The following SV2B variants were observed in gnomAD, a reference collection of about 807,000 sequenced individuals.
The protein encoded by SV2B is solute carrier family 22 member B2.
SV2B carries 41 observed loss-of-function variants against 73.9 expected under a neutral mutation model. That is an observed-to-expected ratio of 0.56 (90% CI 0.43 to 0.72). SV2B has a LOEUF of 0.72. Among genes scored for constraint, SV2B ranks in the 30% least tolerant of loss-of-function variants. SV2B has a pLI of 0.00. For missense variants in SV2B, 764 were observed against 857.8 expected (o/e 0.89, Z 1.37); for synonymous variants, 314 against 314.2 (o/e 1.00, Z 0.01).
At position 91,100,901 on chromosome 15, in the gene SV2B, C is replaced by T. The variant is rs945556080; in HGVS notation, c.-392+538C>T. Among the ~76,000 whole-genome samples the T allele has an allele frequency of 1.3e-5, 2 of 152,138 alleles. No individual in the cohort carries two copies. The highest frequency in any genetic ancestry group is 2.4e-5 in the African/African-American group (1 of 41,426). On this transcript the variant is annotated intron_variant, in intron 1 of 12. Coordinates refer to ENST00000394232, the MANE Select transcript of SV2B (RefSeq NM_001323032.3). This position sits in a 1 kb window ranked among gnomAD's most constrained non-coding sequence, Gnocchi z 6.4. Reference sequence around the variant, plus strand: ...GGACACAGAAGGATTTGTTTATGGACGGGTTTTAGCGCAAGGGAAAGAAAA... The same window carrying T: ...GGACACAGAAGGATTTGTTTATGGATGGGTTTTAGCGCAAGGGAAAGAAAA...
chr15:91,279,437 G>A (rs1327294307), intron 9 of SV2B, among the ~76,000 whole-genome samples: 2 of 152,226 alleles, frequency 1.3e-5, no homozygotes, highest in East Asian at 1.9e-4. Flanking sequence ...AGCTTACAAA[G>A]TACTGTTGCT....
intron 2 of SV2B, among the ~76,000 whole-genome samples, chr15:91,250,113 C>G (rs112186224): frequency 0.014 from 2,119 of 152,280 alleles, 44 homozygotes; most frequent in African/African-American, 0.046. Context: ...CAATAATCTT[C>G]TACAAAATAC....
At chr15:91,173,602 A>G (rs1364288485) in intron 1 of SV2B, among the ~76,000 whole-genome samples, 3 of 152,114 alleles carry the variant, frequency 2.0e-5, no homozygotes, top group Non-Finnish European at 2.9e-5. Flanking sequence ...CCTTCAACCC[A>G]TGCAAACTTA....
chr15:91,281,911 GT>G lies in SV2B; in HGVS notation c.1507+51del, dbSNP rs765486585. 3.2e-6 allele frequency: 5 copies of G among 1,547,042 alleles called. No homozygotes were observed. Among genetic ancestry groups the G allele is most frequent in the Non-Finnish European group, 4.4e-6 (5 of 1,139,186 alleles). On this transcript the variant is annotated intron_variant, in intron 10 of 12. Transcript: ENST00000394232. The surrounding 1 kb of genome is among the most constrained non-coding windows in gnomAD (Gnocchi z 4.7). ...AATAGAAAGTAACAGGAGACAACTTGTGTTGTCCAAGAATCAAAATGGTCAG... is the reference window on the plus strand; with the variant it reads ...AATAGAAAGTAACAGGAGACAACTTGGTTGTCCAAGAATCAAAATGGTCAG...
Position 91,172,888 on chromosome 15 carries a change from G to A in SV2B, c.-391-52985G>A, listed in dbSNP as rs144937057. On this transcript the variant is annotated intron_variant, in intron 1 of 12. Coordinates refer to ENST00000394232, the MANE Select transcript of SV2B (RefSeq NM_001323032.3). The stretch of plus-strand genomic sequence containing the variant: ...AATATTGCTATTATTGTTCTTGCCC[G>A]CCAAGTACACCGAGATGAGTAAGAG... Among the ~76,000 whole-genome samples, 186 of 151,910 alleles carry A rather than the reference G, an allele frequency of 1.2e-3. 1 individual carries two copies. The highest frequency in any genetic ancestry group is 2.3e-3 in the Admixed American group (35 of 15,264).
intron 4 of SV2B, among the ~76,000 whole-genome samples, chr15:91,256,851 T>A (rs11858887): frequency 0.026 from 3,996 of 152,264 alleles, 111 homozygotes; most frequent in East Asian, 0.096. Flanking sequence ...AGATAATTGG[T>A]TAGGAGTCTG....
chr15:91,208,176 G>A (rs1049263652), intron 1 of SV2B, among the ~76,000 whole-genome samples: 1 of 152,280 alleles, frequency 6.6e-6, no homozygotes, highest in South Asian at 2.1e-4. Context: ...GAGCTTTCAC[G>A]ATGTAGTAGA....
At position 91,240,010 on chromosome 15, in the gene SV2B, C is replaced by A. The variant is rs1221527634; in HGVS notation, c.452-11809C>A. Among the ~76,000 whole-genome samples, 1 of 152,156 alleles carries A rather than the reference C, an allele frequency of 6.6e-6. No individual in the cohort carries two copies. Among genetic ancestry groups the A allele is most frequent in the Non-Finnish European group, 1.5e-5 (1 of 68,014 alleles). Reference sequence around the variant, plus strand: ...GATGAAGAGGACCTTGTTGAATGAACTATGATTGATCCCTTAGGGTTGAGT... The same window carrying A: ...GATGAAGAGGACCTTGTTGAATGAAATATGATTGATCCCTTAGGGTTGAGT... On this transcript the variant is annotated intron_variant, in intron 2 of 12. Coordinates refer to ENST00000394232, the MANE Select transcript of SV2B (RefSeq NM_001323032.3). This position sits in a 1 kb window ranked among gnomAD's most constrained non-coding sequence, Gnocchi z 4.6.
Position 91,129,965 on chromosome 15 carries a change from G to A in SV2B, c.-392+29602G>A, listed in dbSNP as rs910963151. On this transcript the variant is annotated intron_variant, in intron 1 of 12. Transcript: ENST00000394232. The surrounding 1 kb of genome is among the most constrained non-coding windows in gnomAD (Gnocchi z 5.1). The stretch of plus-strand genomic sequence containing the variant: ...CTTGGCAAAGGCTCAGCAAAGGGAG[G>A]TGATATTAACAACCATTCCAAGGAG... Among the ~76,000 whole-genome samples, 9 of 152,150 alleles carry A rather than the reference G, an allele frequency of 5.9e-5. No homozygotes were observed. The highest frequency in any genetic ancestry group is 2.2e-4 in the African/African-American group (9 of 41,432).
chr15:91,227,624 T>C lies in SV2B; in HGVS notation c.451+910T>C, dbSNP rs2046426993. Among the ~76,000 whole-genome samples the C allele has an allele frequency of 1.3e-5, 2 of 152,222 alleles. No individual in the cohort carries two copies. Among genetic ancestry groups the C allele is most frequent in the African/African-American group, 4.8e-5 (2 of 41,456 alleles). On this transcript the variant is annotated intron_variant, in intron 2 of 12. Coordinates refer to ENST00000394232, the MANE Select transcript of SV2B (RefSeq NM_001323032.3). This position sits in a 1 kb window ranked among gnomAD's most constrained non-coding sequence, Gnocchi z 4.5. ...ATGACCCTCAAGAGCTCAAAATCTA[T>C]CTAGCAATTCAGCTCCTTCATTCAA...
Position 91,216,250 on chromosome 15 carries a change from GA to G in SV2B, c.-391-9621del, listed in dbSNP as rs890432259. On this transcript the variant is annotated intron_variant, in intron 1 of 12. Transcript: ENST00000394232. ...AGAAACATCAAGCAGGGTATTTCAG[GA>G]AGCATCACAGGTGGTTAAAACATAT... Among the ~76,000 whole-genome samples the G allele has an allele frequency of 3.5e-4, 53 of 152,168 alleles. 1 individual carries two copies. The highest frequency in any genetic ancestry group is 2.8e-3 in the Admixed American group (43 of 15,280).
chr15:91,198,525 G>C (rs919061283), intron 1 of SV2B, among the ~76,000 whole-genome samples: 2 of 151,138 alleles, frequency 1.3e-5, no homozygotes, highest in African/African-American at 4.9e-5. Flanking sequence ...GTCTCCTGGA[G>C]GCAAATGAGC....
Position 91,136,329 on chromosome 15 carries a change from T to A in SV2B, c.-392+35966T>A, listed in dbSNP as rs1187004590. Reference sequence around the variant, plus strand: ...CAGCAGGTTGCTGGAAGGTTTGATGTAGGGTTGATGCATCTGACAGCCAGA... The same window carrying A: ...CAGCAGGTTGCTGGAAGGTTTGATGAAGGGTTGATGCATCTGACAGCCAGA... On this transcript the variant is annotated intron_variant, in intron 1 of 12. Transcript: ENST00000394232. This position sits in a 1 kb window ranked among gnomAD's most constrained non-coding sequence, Gnocchi z 5.6. 6.6e-6 allele frequency among the ~76,000 whole-genome samples: 1 copy of A among 152,116 alleles called. No homozygotes were observed. The highest frequency in any genetic ancestry group is 1.5e-5 in the Non-Finnish European group (1 of 68,010).
chr15:91,145,319 C>T (rs1169640867), intron 1 of SV2B, among the ~76,000 whole-genome samples: 1 of 152,132 alleles, frequency 6.6e-6, no homozygotes, highest in African/African-American at 2.4e-5. Context: ...AGGATATGAC[C>T]CCATTCTTTT....
In SV2B at chr15:91,267,890, C is replaced by A. The variant is rs1437725399; in HGVS notation, c.1208+247C>A. ...TGGGCTTGGCTCACTGCAGCCTGTG[C>A]CTCCTGGGTTCAAGCTATTCTCCTG... On this transcript the variant is annotated intron_variant, in intron 8 of 12. Transcript: ENST00000394232. The surrounding 1 kb of genome is among the most constrained non-coding windows in gnomAD (Gnocchi z 4.3). Among the ~76,000 whole-genome samples the A allele has an allele frequency of 6.6e-6, 1 of 151,516 alleles. No individual in the cohort carries two copies. The highest frequency in any genetic ancestry group is 2.4e-5 in the African/African-American group (1 of 41,066).
intron 1 of SV2B, among the ~76,000 whole-genome samples, chr15:91,117,726 C>T (rs1452195589): frequency 6.6e-6 from 1 of 152,216 alleles, no homozygotes; most frequent in African/African-American, 2.4e-5. Context: ...CAAACCCAAA[C>T]CCATGTCAGT....
chr15:91,193,564 A>C (rs1356448250), intron 1 of SV2B, among the ~76,000 whole-genome samples: 2 of 152,316 alleles, frequency 1.3e-5, no homozygotes, highest in East Asian at 3.9e-4. Flanking sequence ...GGCCCCCACC[A>C]TGCATTTTAA....
At chr15:91,276,472 A>G (rs2048492541) in intron 9 of SV2B, among the ~76,000 whole-genome samples, 3 of 151,860 alleles carry the variant, frequency 2.0e-5, no homozygotes, top group East Asian at 1.9e-4. Context: ...ATTTTCCCAT[A>G]GCTCTTAGAT....
chr15:91,299,381 T>C lies in SV2B; in HGVS notation c.*6829T>C, dbSNP rs950782117. 6.6e-6 allele frequency: 1 copy of C among 152,204 alleles called. No individual in the cohort carries two copies. The highest frequency in any genetic ancestry group is 2.4e-5 in the African/African-American group (1 of 41,452). The allele number at this position is 152,204 out of a possible 1,614,324, so 9.4% of individuals were successfully genotyped here. On this transcript the variant is annotated 3_prime_UTR_variant, in exon 13 of 13. Transcript: ENST00000394232. ...ACAAAACAATACTTCTTTAAAAATG[T>C]ATTTTATGATCTATTTATTGATATT...
Sources: gnomAD v4.1 joint callset for allele counts (sites outside exome capture counted in the v4.1 genomes callset) on GRCh38, gnomAD v4.1.1 for gene constraint, Gnocchi (gnomAD v3.1) non-coding constraint, MANE v1.5 for transcripts, NCBI Gene and HGNC (gene_info 2026-07-23, HGNC 2026-07-21) for gene names.